Variants in SLC2A14 observed in about 807,000 individuals in gnomAD.
SLC2A14 encodes the protein solute carrier family 2 member 14.
SLC2A14 carries 13 observed loss-of-function variants against 43.0 expected under a neutral mutation model. The ratio of observed to expected loss-of-function variants is 0.30; its 90% CI spans 0.20 to 0.48. The LOEUF (loss-of-function observed/expected upper bound fraction) is 0.48, where lower values mean the gene tolerates loss of function less well. Ranked by LOEUF, SLC2A14 falls within the 20% of genes least tolerant of loss-of-function variation. SLC2A14 has a pLI of 0.99. For missense variants in SLC2A14, 428 were observed against 620.4 expected, an observed-to-expected ratio of 0.69 and a Z score of 3.29; for synonymous variants, 190 against 233.8, an observed-to-expected ratio of 0.81 and a Z score of 1.71.
intron 1 of SLC2A14, among the ~76,000 whole-genome samples, chr12:7,881,616 C>T (rs113210864): frequency 2.6e-5 from 4 of 152,306 alleles, no homozygotes; most frequent in African/African-American, 7.2e-5. Flanking sequence ...GCCTCCTGCT[C>T]CACGCGCCCA....
At chr12:7,861,789 C>A (rs1343927149) in intron 2 of SLC2A14, among the ~76,000 whole-genome samples, 1 of 151,826 alleles carries the variant, frequency 6.6e-6, no homozygotes, top group African/African-American at 2.4e-5. Context: ...TGGTGAATCC[C>A]CATCTATACT....
At chr12:7,840,856 G>T (rs1865892972) in intron 2 of SLC2A14, among the ~76,000 whole-genome samples, 1 of 152,164 alleles carries the variant, frequency 6.6e-6, no homozygotes, top group Non-Finnish European at 1.5e-5. Flanking sequence ...AAAGGTTTTG[G>T]CTGGAGCAAC....
intron 2 of SLC2A14, among the ~76,000 whole-genome samples, chr12:7,837,701 G>C (rs1309542983): frequency 8.2e-6 from 1 of 121,568 alleles, no homozygotes; most frequent in Non-Finnish European, 1.7e-5. Context: ...TTTTTTTTGA[G>C]ATGAAGTCTC....
chr12:7,816,133 TG>T (rs1222086933), intron 10 of SLC2A14, among the ~76,000 whole-genome samples: 27 of 50,302 alleles, frequency 5.4e-4, no homozygotes, highest in African/African-American at 2.0e-3. Context: ...AGTCTCGCTC[TG>T]TCGCCCAGGC....
At chr12:7,874,781 A>ATATG (rs1364927412), upstream of SLC2A14, among the ~76,000 whole-genome samples, 27 of 25,264 alleles carry the variant, frequency 1.1e-3, 1 homozygote, top group South Asian at 7.5e-3. Context: ...ACATATATAA[A>ATATG]TATATAAATA....
chr12:7,827,073 C>CTTTCTTTCTTTCTT (rs1349948625), intron 7 of SLC2A14, among the ~76,000 whole-genome samples: 133 of 118,154 alleles, frequency 1.1e-3, no homozygotes, highest in African/African-American at 4.4e-3. Flanking sequence ...TTCTCTCTCT[C>CTTTCTTTCTTTCTT]TCTTTCTTTC....
upstream of SLC2A14, among the ~76,000 whole-genome samples, chr12:7,874,840 C>CGTATTTATATATAATTTATATATAAATAT (rs1945404922): frequency 8.0e-5 from 6 of 75,442 alleles, no homozygotes; most frequent in South Asian, 2.6e-3. Flanking sequence ...TATATAAATA[C>CGTATTTATATATAATTTATATATAAATAT]GTATTTATAT....
At chr12:7,869,331 A>G (rs1945104462) in intron 2 of SLC2A14, among the ~76,000 whole-genome samples, 1 of 152,100 alleles carries the variant, frequency 6.6e-6, no homozygotes, top group African/African-American at 2.4e-5. Flanking sequence ...ACGTAACTTA[A>G]CCACCAGATG....
intron 5 of SLC2A14, among the ~76,000 whole-genome samples, chr12:7,829,554 CAAA>C (rs36068117): frequency 6.9e-6 from 1 of 143,992 alleles, no homozygotes; most frequent in Non-Finnish European, 1.5e-5. Flanking sequence ...AACTCCCTCT[CAAA>C]AAAAAAAAAA....
intron 4 of SLC2A14, among the ~76,000 whole-genome samples, chr12:7,830,678 A>C (rs1421186107): frequency 2.0e-5 from 3 of 152,056 alleles, no homozygotes; most frequent in Non-Finnish European, 4.4e-5. Context: ...TTAGCAAGTA[A>C]AATAGGTTGC....
At chr12:7,882,710 G>A (rs1223282828) in intron 1 of SLC2A14, among the ~76,000 whole-genome samples, 2 of 151,824 alleles carry the variant, frequency 1.3e-5, no homozygotes, top group Non-Finnish European at 1.5e-5. Context: ...AGTGGCGCAC[G>A]CCTGTAATCC....
chr12:7,869,819 T>C (rs150920625), intron 2 of SLC2A14, 44 bp downstream of exon 2: 34,952 of 1,269,500 alleles, frequency 0.028, 589 homozygotes, highest in Non-Finnish European at 0.034. Flanking sequence ...TCAACATAAC[T>C]CTGACAAACC....
intron 1 of SLC2A14, among the ~76,000 whole-genome samples, chr12:7,880,361 C>CA (rs1037332489): frequency 1.3e-4 from 20 of 149,776 alleles, no homozygotes; most frequent in Non-Finnish European, 2.5e-4. Context: ...AAAACACACA[C>CA]AAAAAATCAA....
Position 7,891,014 on chromosome 12 carries a change from A to C in SLC2A14, c.114T>G (p.Asn38Lys), listed in dbSNP as rs959945754. 2.0e-6 allele frequency: 3 copies of C among 1,534,828 alleles called. No homozygotes were observed. In the African/African-American group the frequency reaches 4.1e-5, roughly 21 times the overall value. The change falls in exon 1 of 10, where the codon AAT becomes AAG. Residue 38 changes from asparagine (N) to lysine (K), a missense_variant. Transcript: ENST00000539924. The stretch of plus-strand genomic sequence containing the variant: ...CACTTACCTCCTCCCCGACGCCCCC[A>C]TTCTGACTCTTCTCCAGAGTGGAGG...
chr12:7,857,139 A>C (rs1454528338), intron 2 of SLC2A14, among the ~76,000 whole-genome samples: 2 of 152,014 alleles, frequency 1.3e-5, no homozygotes, highest in Non-Finnish European at 2.9e-5. Context: ...AGTTCCAGCT[A>C]CTCGGGAGGC....
rs573775332 is a variant in SLC2A14 at position 7,814,033 on chromosome 12, G to A, written c.*283C>T. ...AATATCAGAACCCAAGGGAGGAAAA[G>A]CTGGCAAAGTTGTCATGTGCCAAGC... On this transcript the variant is annotated 3_prime_UTR_variant, in exon 11 of 11. Coordinates refer to ENST00000431042, the MANE Select transcript of SLC2A14 (RefSeq NM_001286234.2). 23 of 407,880 alleles carry A rather than the reference G, an allele frequency of 5.6e-5. No individual in the cohort carries two copies. Among genetic ancestry groups the A allele is most frequent in the Non-Finnish European group, 9.4e-5 (21 of 222,746 alleles). 25.3% of individuals were successfully genotyped at this position (407,880 alleles called of 1,614,324 possible). A position where few individuals can be genotyped will look rare whatever the true frequency, so the allele number is the denominator to read the frequency against.
At chr12:7,820,257 T>C (rs1395977587) in intron 8 of SLC2A14, among the ~76,000 whole-genome samples, 2 of 149,202 alleles carry the variant, frequency 1.3e-5, no homozygotes, top group African/African-American at 2.5e-5. Context: ...TGGTTGTGTA[T>C]TTCTGTGCTT....
At chr12:7,883,380 C>T (rs1282417808) in intron 1 of SLC2A14, among the ~76,000 whole-genome samples, 87 of 148,676 alleles carry the variant, frequency 5.9e-4, no homozygotes, top group Middle Eastern at 3.4e-3. Context: ...CATTCTCTTG[C>T]CTCAGTCTCC....
chr12:7,877,034 C>T (rs937079926), upstream of SLC2A14, among the ~76,000 whole-genome samples: 43 of 144,006 alleles, frequency 3.0e-4, no homozygotes, highest in South Asian at 5.4e-3. Context: ...TATGGAGTCT[C>T]GCTCTGTCAC....
Sources: allele counts gnomAD v4.1 joint callset (sites outside exome capture counted in the v4.1 genomes callset), GRCh38; gene constraint gnomAD v4.1.1; transcripts MANE v1.5; gene names NCBI Gene and HGNC (gene_info 2026-07-23, HGNC 2026-07-21).